The following GFRA1 variants were observed in gnomAD, a reference collection of about 807,000 sequenced individuals.
GFRA1 encodes GDNF family receptor alpha-1.
In GFRA1, 16 loss-of-function variants were observed where a neutral mutation model predicts 51.6. The observed-to-expected ratio is 0.31, with a 90% confidence interval of 0.21 to 0.47. The LOEUF (loss-of-function observed/expected upper bound fraction) is 0.47, where lower values mean the gene tolerates loss of function less well. Ranked by LOEUF, GFRA1 falls within the 20% of genes least tolerant of loss-of-function variation. The pLI is 1.00. For missense variants in GFRA1, 530 were observed against 594.3 expected, an observed-to-expected ratio of 0.89 and a Z score of 1.13; for synonymous variants, 270 against 241.3, an observed-to-expected ratio of 1.12 and a Z score of -1.10.
intron 4 of GFRA1, chr10:116,226,811 G>A (rs1358461098): frequency 5.1e-6 from 2 of 393,676 alleles, no homozygotes; most frequent in African/African-American, 2.1e-5. Context: ...TGGGAGGGAT[G>A]GGAGACAGTG....
At position 116,060,214 on chromosome 10, in the gene GFRA1, T is replaced by C. The variant is rs1954739580; in HGVS notation, c.*4184A>G. 6.6e-6 allele frequency: 1 copy of C among 152,186 alleles called. No individual in the cohort carries two copies. Among genetic ancestry groups the C allele is most frequent in the South Asian group, 2.1e-4 (1 of 4,830 alleles). 9.4% of individuals were successfully genotyped at this position (152,186 alleles called of 1,614,324 possible). A position where few individuals can be genotyped will look rare whatever the true frequency, so the allele number is the denominator to read the frequency against. ...AATGGTCACTTGAGAAGCAGAGCCGTGTCAAAGCCAAGAGGTGTCAGATAT... is the reference window on the plus strand; with the variant it reads ...AATGGTCACTTGAGAAGCAGAGCCGCGTCAAAGCCAAGAGGTGTCAGATAT... On this transcript the variant is annotated 3_prime_UTR_variant, in exon 11 of 11. Transcript: ENST00000355422.
At chr10:116,245,071 A>G (rs763707466) in intron 4 of GFRA1, among the ~76,000 whole-genome samples, 6 of 152,198 alleles carry the variant, frequency 3.9e-5, no homozygotes, top group Non-Finnish European at 8.8e-5. Context: ...ATGCTAAAAG[A>G]AAATAATTGC....
intron 5 of GFRA1, among the ~76,000 whole-genome samples, chr10:116,176,455 G>A (rs778394795): frequency 1.4e-4 from 22 of 151,990 alleles, no homozygotes; most frequent in Non-Finnish European, 2.4e-4. Flanking sequence ...TGGTGTTCTC[G>A]GGAGATCTGG....
At chr10:116,077,496 A>T (rs184144403) in intron 9 of GFRA1, among the ~76,000 whole-genome samples, 1 of 152,234 alleles carries the variant, frequency 6.6e-6, no homozygotes, top group Non-Finnish European at 1.5e-5. Flanking sequence ...ATAAAATAGA[A>T]TTGCACAATT....
At chr10:116,162,067 T>G (rs1959866964) in intron 5 of GFRA1, among the ~76,000 whole-genome samples, 3 of 152,256 alleles carry the variant, frequency 2.0e-5, no homozygotes, top group African/African-American at 7.2e-5. Flanking sequence ...GCTCAAGCTT[T>G]CTGAACAACA....
At chr10:116,074,275 A>C (rs1211459248) in intron 9 of GFRA1, among the ~76,000 whole-genome samples, 1 of 152,184 alleles carries the variant, frequency 6.6e-6, no homozygotes, top group Non-Finnish European at 1.5e-5. Context: ...AAATCAATGC[A>C]TATTGACTCC....
chr10:116,194,173 G>C (rs967715779), intron 5 of GFRA1, among the ~76,000 whole-genome samples: 1 of 151,454 alleles, frequency 6.6e-6, no homozygotes, highest in African/African-American at 2.4e-5. Context: ...TGAATATGCA[G>C]AAAGTAGTTT....
intron 4 of GFRA1, among the ~76,000 whole-genome samples, chr10:116,260,569 G>C (rs1969224326): frequency 6.6e-6 from 1 of 152,110 alleles, no homozygotes; most frequent in Non-Finnish European, 1.5e-5. Context: ...GATCGTAAAA[G>C]AGTATACCTC....
chr10:116,263,989 G>A (rs1239051595), intron 4 of GFRA1, among the ~76,000 whole-genome samples: 1 of 152,018 alleles, frequency 6.6e-6, no homozygotes, highest in Non-Finnish European at 1.5e-5. Context: ...GAAGAGAGAG[G>A]GTAAGGAGCA....
chr10:116,258,868 C>T (rs982857900), intron 4 of GFRA1, among the ~76,000 whole-genome samples: 1 of 152,192 alleles, frequency 6.6e-6, no homozygotes, highest in South Asian at 2.1e-4. Context: ...TTTTACTTCT[C>T]TTTAAGTATC....
chr10:116,262,200 A>C (rs939174434), intron 4 of GFRA1, among the ~76,000 whole-genome samples: 1 of 152,204 alleles, frequency 6.6e-6, no homozygotes, highest in Non-Finnish European at 1.5e-5. Flanking sequence ...CAGTTCATAC[A>C]ATTACCTGTC....
chr10:116,060,660 G>A lies in GFRA1; in HGVS notation c.*3738C>T, dbSNP rs949466486. The A allele has an allele frequency of 3.3e-5, 5 of 152,164 alleles. No individual in the cohort carries two copies. The highest frequency in any genetic ancestry group is 7.3e-5 in the Non-Finnish European group (5 of 68,054). 9.4% of individuals were successfully genotyped at this position (152,164 alleles called of 1,614,324 possible). A position where few individuals can be genotyped will look rare whatever the true frequency, so the allele number is the denominator to read the frequency against. On this transcript the variant is annotated 3_prime_UTR_variant, in exon 11 of 11. Coordinates refer to ENST00000355422, the MANE Select transcript of GFRA1 (RefSeq NM_005264.8). ...AGATGGGTGTCACATAGTCTGATGT[G>A]CTTTATCAAAGAACAGAGGCAAGAG...
chr10:116,134,967 C>T (rs766132855), intron 5 of GFRA1, among the ~76,000 whole-genome samples: 2 of 151,000 alleles, frequency 1.3e-5, no homozygotes, highest in Admixed American at 6.6e-5. Flanking sequence ...GGGATCATTA[C>T]ATTTTTAATT....
chr10:116,176,655 G>A (rs376231945), intron 5 of GFRA1, among the ~76,000 whole-genome samples: 28 of 152,096 alleles, frequency 1.8e-4, no homozygotes, highest in African/African-American at 5.1e-4. Flanking sequence ...AAATTACCCA[G>A]CCTCACATAT....
At chr10:116,245,666 A>T (rs1967806418) in intron 4 of GFRA1, among the ~76,000 whole-genome samples, 1 of 152,250 alleles carries the variant, frequency 6.6e-6, no homozygotes, top group Non-Finnish European at 1.5e-5. Flanking sequence ...AACGGACAAC[A>T]GCCAAAACTG....
At chr10:116,105,373 A>AAAG (rs1956968299) in intron 6 of GFRA1, among the ~76,000 whole-genome samples, 1 of 152,222 alleles carries the variant, frequency 6.6e-6, no homozygotes, top group African/African-American at 2.4e-5. Context: ...CTCTAGACCA[A>AAAG]CACAGTGTGA....
chr10:116,240,366 C>T (rs1193957647), intron 4 of GFRA1, among the ~76,000 whole-genome samples: 2 of 152,174 alleles, frequency 1.3e-5, no homozygotes, highest in South Asian at 2.1e-4. Context: ...TGGCGCTCCA[C>T]CCATCTCCCT....
chr10:116,204,093 T>C (rs1453388556), intron 5 of GFRA1, among the ~76,000 whole-genome samples: 1 of 152,222 alleles, frequency 6.6e-6, no homozygotes, highest in Non-Finnish European at 1.5e-5. Context: ...TCTGTGACTC[T>C]GTCCCACTGT....
intron 4 of GFRA1, among the ~76,000 whole-genome samples, chr10:116,266,437 A>C (rs1034106847): frequency 2.6e-5 from 4 of 152,206 alleles, no homozygotes; most frequent in Non-Finnish European, 5.9e-5. Context: ...CAAAGGCCAA[A>C]CTGGATAATA....
Sources: gnomAD v4.1 joint callset for allele counts (sites outside exome capture counted in the v4.1 genomes callset) on GRCh38, gnomAD v4.1.1 for gene constraint, MANE v1.5 for transcripts, NCBI Gene and HGNC (gene_info 2026-07-23, HGNC 2026-07-21) for gene names.